Variants in CTDSPL observed in about 807,000 individuals in gnomAD.
The protein encoded by CTDSPL is CTD small phosphatase like, also known as CTD small phosphatase-like protein.
CTDSPL carries 8 observed loss-of-function variants against 30.5 expected under a neutral mutation model. The ratio of observed to expected loss-of-function variants is 0.26; its 90% CI spans 0.15 to 0.47. The LOEUF is 0.47. CTDSPL is among the 20% of genes least tolerant of loss of function. CTDSPL has a pLI of 0.99. For missense variants in CTDSPL, 248 were observed against 366.1 expected, an observed-to-expected ratio of 0.68 and a Z score of 2.63; for synonymous variants, 110 against 137.9, an observed-to-expected ratio of 0.80 and a Z score of 1.42.
In CTDSPL at chr3:37,927,589, C is replaced by A. The variant is rs183249908; in HGVS notation, c.80-19468C>A. ...TCCGTCAGCAGTAATTGTGGCTTCT[C>A]CCAAGGCCAGTCTTTTTTTGTTTAA... On this transcript the variant is annotated intron_variant, in intron 1 of 7. Coordinates refer to ENST00000273179, the MANE Select transcript of CTDSPL (RefSeq NM_001008392.2). Among the ~76,000 whole-genome samples, 178 of 151,046 alleles carry A rather than the reference C, an allele frequency of 1.2e-3. 1 individual carries two copies. Among genetic ancestry groups the A allele is most frequent in the African/African-American group, 3.6e-3 (146 of 41,028 alleles).
intron 1 of CTDSPL, among the ~76,000 whole-genome samples, chr3:37,866,588 C>CA (rs1003513899): frequency 3.3e-5 from 5 of 151,952 alleles, no homozygotes; most frequent in African/African-American, 9.7e-5. Context: ...ATAATAAAAC[C>CA]AAAAAAATCT....
At chr3:37,877,395 C>T (rs1464977829) in intron 1 of CTDSPL, among the ~76,000 whole-genome samples, 3 of 152,178 alleles carry the variant, frequency 2.0e-5, no homozygotes, top group Non-Finnish European at 4.4e-5. Context: ...GCATACTGCC[C>T]TCAAGGTTCA....
intron 1 of CTDSPL, among the ~76,000 whole-genome samples, chr3:37,910,593 A>G (rs1349324381): frequency 6.6e-6 from 1 of 152,252 alleles, no homozygotes; most frequent in Non-Finnish European, 1.5e-5. Context: ...TTCTCAGTTC[A>G]TTAGAAGTAG....
At position 37,982,330 on chromosome 3, in the gene CTDSPL, G is replaced by T. The variant is rs1575328999; in HGVS notation, c.*1463G>T. 2.9e-6 allele frequency: 1 copy of T among 346,002 alleles called. No homozygotes were observed. The highest frequency in any genetic ancestry group is 7.6e-5 in the East Asian group (1 of 13,134). The allele number at this position is 346,002 out of a possible 1,614,324, so 21.4% of individuals were successfully genotyped here. On this transcript the variant is annotated 3_prime_UTR_variant, in exon 8 of 8. Coordinates refer to ENST00000273179, the MANE Select transcript of CTDSPL (RefSeq NM_001008392.2). ...CACAGGGAGAGCCCAGGCTCTCTTT[G>T]CAGCCTTTCCCAGTTTGGTGTTTAA...
intron 1 of CTDSPL, among the ~76,000 whole-genome samples, chr3:37,914,145 C>T (rs1698615727): frequency 6.6e-6 from 1 of 152,000 alleles, no homozygotes; most frequent in Non-Finnish European, 1.5e-5. Context: ...GTGTAGAGGT[C>T]TTGTTACATA....
At position 37,863,613 on chromosome 3, in the gene CTDSPL, A is replaced by G. The variant is rs531423965; in HGVS notation, c.79+1335A>G. On this transcript the variant is annotated intron_variant, in intron 1 of 7. Coordinates refer to ENST00000273179, the MANE Select transcript of CTDSPL (RefSeq NM_001008392.2). ...CCCTCTCCAGGCCGGAGCTGGCCAC[A>G]GCCGGCTTTGGGGATGAGTCAGATT... Among the ~76,000 whole-genome samples the G allele has an allele frequency of 3.2e-3, 487 of 152,102 alleles. 2 individuals are homozygous for G. Among genetic ancestry groups the G allele is most frequent in the Non-Finnish European group, 4.6e-3 (313 of 67,940 alleles).
chr3:37,970,198 T>C (rs1479790314), intron 5 of CTDSPL, among the ~76,000 whole-genome samples: 1 of 152,176 alleles, frequency 6.6e-6, no homozygotes, highest in African/African-American at 2.4e-5. Context: ...AGCCCACTTC[T>C]TCTCAACCTT....
chr3:37,869,394 T>G (rs58749731), intron 1 of CTDSPL, among the ~76,000 whole-genome samples: 1,786 of 152,214 alleles, frequency 0.012, 33 homozygotes, highest in African/African-American at 0.04. Flanking sequence ...TTGTATTTAT[T>G]TTTTATTTTG....
At chr3:37,974,192 G>T (rs927844884) in intron 6 of CTDSPL, among the ~76,000 whole-genome samples, 1 of 152,204 alleles carries the variant, frequency 6.6e-6, no homozygotes, top group Non-Finnish European at 1.5e-5. Flanking sequence ...CACCCACGTG[G>T]CCCCTGGTTA....
At chr3:37,887,180 C>T (rs1310297701) in intron 1 of CTDSPL, among the ~76,000 whole-genome samples, 1 of 152,152 alleles carries the variant, frequency 6.6e-6, no homozygotes, top group Non-Finnish European at 1.5e-5. Context: ...TCAAAGTACT[C>T]TTGGGCATAC....
At chr3:37,965,368 C>T (rs181798606) in intron 4 of CTDSPL, among the ~76,000 whole-genome samples, 71 of 152,176 alleles carry the variant, frequency 4.7e-4, no homozygotes, top group African/African-American at 1.6e-3. Context: ...AGAGCTGTGG[C>T]GACACTGTTA....
chr3:37,928,584 G>T (rs1270164912), intron 1 of CTDSPL, among the ~76,000 whole-genome samples: 1 of 152,158 alleles, frequency 6.6e-6, no homozygotes, highest in East Asian at 1.9e-4. Flanking sequence ...CTGTACTTCA[G>T]TGGTTGCAAA....
intron 1 of CTDSPL, among the ~76,000 whole-genome samples, chr3:37,920,900 C>T (rs1426786223): frequency 6.6e-6 from 1 of 152,230 alleles, no homozygotes; most frequent in Non-Finnish European, 1.5e-5. Context: ...TGCTCTCAAA[C>T]CACCTGTGAG....
At chr3:37,872,777 G>A (rs1273543886) in intron 1 of CTDSPL, among the ~76,000 whole-genome samples, 44 of 151,916 alleles carry the variant, frequency 2.9e-4, no homozygotes, top group Admixed American at 2.8e-3. Context: ...GTTTCACCAC[G>A]TTGGCCAGGA....
In CTDSPL at chr3:37,975,182, T is replaced by C. The variant is rs149565130; in HGVS notation, c.520-527T>C. ...AGGTCCTGACCATACTCAAAGCCAG[T>C]GTGGCTCCAGGGGCTCCAGATGGAG... On this transcript the variant is annotated intron_variant, in intron 6 of 7. Transcript: ENST00000273179. The surrounding 1 kb of genome is among the most constrained non-coding windows in gnomAD (Gnocchi z 4.9). 2.7e-4 allele frequency among the ~76,000 whole-genome samples: 41 copies of C among 152,320 alleles called. No homozygotes were observed. The highest frequency in any genetic ancestry group is 8.7e-4 in the African/African-American group (36 of 41,560).
chr3:37,919,799 G>A (rs577857059), intron 1 of CTDSPL, among the ~76,000 whole-genome samples: 2 of 152,128 alleles, frequency 1.3e-5, no homozygotes, highest in East Asian at 1.9e-4. Context: ...GTTGTGCTTC[G>A]CTGGGCCCTG....
chr3:37,866,192 A>G (rs1317227783), intron 1 of CTDSPL, among the ~76,000 whole-genome samples: 1 of 152,240 alleles, frequency 6.6e-6, no homozygotes, highest in Non-Finnish European at 1.5e-5. Context: ...CATTAGCAGA[A>G]TACTGTGAGG....
intron 1 of CTDSPL, among the ~76,000 whole-genome samples, chr3:37,865,663 A>G (rs1162372800): frequency 6.6e-6 from 1 of 152,216 alleles, no homozygotes; most frequent in Non-Finnish European, 1.5e-5. Context: ...ACTCATTGAT[A>G]CCAGGGCCAA....
chr3:37,947,441 TC>T (rs1477484159), intron 2 of CTDSPL, among the ~76,000 whole-genome samples: 1 of 152,072 alleles, frequency 6.6e-6, no homozygotes, highest in Admixed American at 6.6e-5. Context: ...GCGCCTGTAA[TC>T]CCAGCTACTA....
Sources: allele counts gnomAD v4.1 joint callset (sites outside exome capture counted in the v4.1 genomes callset), GRCh38; gene constraint gnomAD v4.1.1; non-coding constraint Gnocchi (gnomAD v3.1); transcripts MANE v1.5; gene names NCBI Gene and HGNC (gene_info 2026-07-23, HGNC 2026-07-21).